Variants in ETNPPL observed in about 807,000 individuals in gnomAD.
ETNPPL encodes alanine--glyoxylate aminotransferase 2-like 1.
A neutral mutation model predicts 55.5 loss-of-function variants in ETNPPL; 30 were observed. The observed-to-expected ratio is 0.54, with a 90% CI of 0.40 to 0.73. The LOEUF (loss-of-function observed/expected upper bound fraction) is 0.73. Among genes scored for constraint, ETNPPL ranks in the 30% least tolerant of loss-of-function variants. The probability of loss-of-function intolerance (pLI) is 0.00; values close to 1 mark genes in which losing one functional copy is unlikely to be tolerated. For missense variants in ETNPPL, 528 were observed against 607.9 expected (o/e 0.87, Z 1.38); for synonymous variants, 202 against 207.2 (o/e 0.98, Z 0.21).
chr4:108,762,387 T>G, intron 1 of ETNPPL: 1 of 488,264 alleles, frequency 2.0e-6, no homozygotes, highest in Non-Finnish European at 4.0e-6. Flanking sequence ...AAAGCTCACT[T>G]TAAGTAAAAA....
In ETNPPL at chr4:108,760,297, G is replaced by A. The variant is rs773664090; in HGVS notation, c.66C>T (p.Cys22=). 1.3e-6 allele frequency: 2 copies of A among 1,589,472 alleles called. No homozygotes were observed. The highest frequency in any genetic ancestry group is 2.2e-5 in the South Asian group (2 of 89,934). Reference sequence around the variant, plus strand: ...TGGGATCCGATGCAAAGAAAACTTTGCATGAGGGCCTAGAAATAATCAAAG... The same window carrying A: ...TGGGATCCGATGCAAAGAAAACTTTACATGAGGGCCTAGAAATAATCAAAG... ...GLRKKHIGPS[C]KVFFASDPIK... The change falls in exon 2 of 13, where the codon TGC becomes TGT. Residue 22 remains cysteine, a synonymous_variant. Coordinates refer to ENST00000296486, the MANE Select transcript of ETNPPL (RefSeq NM_031279.4).
chr4:108,743,956 G>T, intron 11 of ETNPPL, 100 bp from the exon 12 acceptor site: 1 of 772,858 alleles, frequency 1.3e-6, no homozygotes. Context: ...AAGAATGGAA[G>T]GAAATGTTAT....
Position 108,750,983 on chromosome 4 carries a change from AC to A in ETNPPL, c.653del (p.Cys218LeufsTer5). On this transcript the variant is annotated frameshift_variant, in exon 7 of 13. Transcript: ENST00000296486. LOFTEE classifies it high-confidence loss of function. ...CTGCTGGAGGAATTATTTGTCCGCC[AC>A]AACTCTGCATGGATTCAGCAATAAA... ...AAFIAESMQS[C>X]GGQIIPPAGY... is the part of the protein sequence containing the mutation. 6.2e-7 allele frequency: 1 copy of A among 1,613,546 alleles called. No individual in the cohort carries two copies. The highest frequency in any genetic ancestry group is 8.5e-7 in the Non-Finnish European group (1 of 1,179,580).
Position 108,760,558 on chromosome 4 carries a change from G to C in ETNPPL, c.57-252C>G, listed in dbSNP as rs576302381. The stretch of plus-strand genomic sequence containing the variant: ...GCCATGATTTGACAATTTATTAGAG[G>C]CACAGGAATCCACTCTCTGATGGTT... On this transcript the variant is annotated intron_variant, in intron 1 of 12. Coordinates refer to ENST00000296486, the MANE Select transcript of ETNPPL (RefSeq NM_031279.4). Among the ~76,000 whole-genome samples, 106 of 152,148 alleles carry C rather than the reference G, an allele frequency of 7.0e-4. 1 individual carries two copies. The highest frequency in any genetic ancestry group is 3.3e-3 in the Admixed American group (51 of 15,274).
chr4:108,759,611 G>A, intron 3 of ETNPPL, 138 bp downstream of exon 3: 1 of 783,410 alleles, frequency 1.3e-6, no homozygotes, highest in Non-Finnish European at 2.0e-6. Flanking sequence ...TCCCTAATGT[G>A]TGATCACTTA....
Position 108,743,836 on chromosome 4 carries a change from T to C in ETNPPL, c.1324A>G (p.Thr442Ala), listed in dbSNP as rs1381184283. Reference sequence around the variant, plus strand: ...TCAGAGGTCACACTTTCGGTTTTGGTTCCCATAGCTTCTTCTAAAACTGAA... The same window carrying C: ...TCAGAGGTCACACTTTCGGTTTTGGCTCCCATAGCTTCTTCTAAAACTGAA... ...ILTVLEEAMG[T>A]KTESVTSENT... The change falls in exon 12 of 13, where the codon ACC becomes GCC. Residue 442 changes from threonine (T) to alanine (A), a missense_variant. Transcript: ENST00000296486. 3 of 1,609,184 alleles carry C rather than the reference T, an allele frequency of 1.9e-6. No homozygotes were observed. The South Asian group carries it at 3.3e-5, about 18-fold the overall frequency.
chr4:108,749,067 T>C (rs1433628114), intron 8 of ETNPPL, among the ~76,000 whole-genome samples, 171 bp downstream of exon 8: 1 of 151,974 alleles, frequency 6.6e-6, no homozygotes, highest in Non-Finnish European at 1.5e-5. Context: ...TATAATTTTA[T>C]ATATATATGT....
At position 108,760,242 on chromosome 4, in the gene ETNPPL, T is replaced by G. The variant is rs757202239; in HGVS notation, c.121A>C (p.Met41Leu). ...TACTGTTCACCGTTCTCATCAAACA[T>G]GTACTGCCTCTGGGCTCTCACTATT... ...IKIVRAQRQY[M>L]FDENGEQYLD... Residue 41 changes from methionine (M) to leucine (L), a missense_variant, in exon 2 of 13, where the codon ATG (methionine) becomes CTG (leucine). Transcript: ENST00000296486. 1.2e-6 allele frequency: 2 copies of G among 1,613,092 alleles called. No homozygotes were observed. Among genetic ancestry groups the G allele is most frequent in the East Asian group, 4.5e-5 (2 of 44,870 alleles).
intron 1 of ETNPPL, among the ~76,000 whole-genome samples, 176 bp from the exon 2 acceptor site, chr4:108,760,482 TC>T (rs1207371911): frequency 6.6e-6 from 1 of 152,156 alleles, no homozygotes; most frequent in African/African-American, 2.4e-5. Context: ...TTTATGTTAA[TC>T]CCCCATTCAT....
At chr4:108,743,044 G>A (rs1260149550) in intron 12 of ETNPPL, among the ~76,000 whole-genome samples, 1 of 152,144 alleles carries the variant, frequency 6.6e-6, no homozygotes, top group Non-Finnish European at 1.5e-5. Context: ...TGCTGTTAGC[G>A]AATCACTTGC....
chr4:108,755,746 A>G (rs1024438880), intron 4 of ETNPPL, among the ~76,000 whole-genome samples: 28 of 152,178 alleles, frequency 1.8e-4, no homozygotes, highest in Admixed American at 6.5e-4. Flanking sequence ...GCTTGAACCC[A>G]GGAGGCGGAG....
At chr4:108,748,737 T>C (rs1013028922) in intron 8 of ETNPPL, among the ~76,000 whole-genome samples, 6 of 152,192 alleles carry the variant, frequency 3.9e-5, no homozygotes, top group Non-Finnish European at 8.8e-5. Flanking sequence ...AAAAATACTT[T>C]AAAAGTGTTT....
chr4:108,746,117 C>T (rs568025323), intron 11 of ETNPPL, among the ~76,000 whole-genome samples: 1 of 152,160 alleles, frequency 6.6e-6, no homozygotes, highest in South Asian at 2.1e-4. Flanking sequence ...TTTAAATATG[C>T]TAGTCTAAAG....
In ETNPPL at chr4:108,746,401, G is replaced by A; in HGVS notation, c.1301C>T (p.Thr434Ile). The A allele has an allele frequency of 6.2e-7, 1 of 1,612,792 alleles. No homozygotes were observed. The highest frequency in any genetic ancestry group is 1.7e-5 in the Admixed American group (1 of 59,806). Residue 434 changes from threonine to isoleucine, a missense_variant and splice_region_variant, in exon 11 of 13, where the codon ACA becomes ATA. Physicochemically the swap from Thr to Ile is moderately conservative, Grantham distance 89. Coordinates refer to ENST00000296486, the MANE Select transcript of ETNPPL (RefSeq NM_031279.4). ...ATCTTAAAGATCCATGGACCCACCT[G>A]TTAGAATCCTATCAAGTTGGTCCAC... ...FMVDQLDRIL[T>I]VLEEAMGTKT...
intron 1 of ETNPPL, 77 bp from the exon 2 acceptor site, chr4:108,760,383 TCA>T: frequency 1.4e-6 from 1 of 727,450 alleles, no homozygotes; most frequent in African/African-American, 1.7e-5. Flanking sequence ...AAGGTCCCCA[TCA>T]GTGGAAAAGT....
chr4:108,755,032 C>G (rs967453326), intron 4 of ETNPPL, among the ~76,000 whole-genome samples: 1 of 152,166 alleles, frequency 6.6e-6, no homozygotes, highest in Non-Finnish European at 1.5e-5. Context: ...AAATTGTTTT[C>G]TATATCCTCA....
chr4:108,751,391 G>A (rs1022822988), intron 6 of ETNPPL, among the ~76,000 whole-genome samples: 3 of 152,148 alleles, frequency 2.0e-5, no homozygotes, highest in African/African-American at 7.2e-5. Context: ...AGGCATTGTC[G>A]TGATGCCTGT....
At chr4:108,749,779 C>T (rs528541745) in intron 7 of ETNPPL, among the ~76,000 whole-genome samples, 328 of 152,160 alleles carry the variant, frequency 2.2e-3, no homozygotes, top group Non-Finnish European at 3.9e-3. Context: ...TATGATCAAA[C>T]TCCCTGTAAC....
At position 108,749,306 on chromosome 4, in the gene ETNPPL, C is replaced by T; in HGVS notation, c.859G>A (p.Ala287Thr). The change falls in exon 8 of 13, where the codon GCA (alanine) becomes ACA (threonine). Residue 287 changes from alanine (A) to threonine (T), a missense_variant. Coordinates refer to ENST00000296486, the MANE Select transcript of ETNPPL (RefSeq NM_031279.4). ...ATTTCTTTGGTTGTTACCACACATGCCACCGGGTGGCCGTTGCCCATCGGT... is the reference window on the plus strand; with the variant it reads ...ATTTCTTTGGTTGTTACCACACATGTCACCGGGTGGCCGTTGCCCATCGGT... ...GKPMGNGHPV[A>T]CVVTTKEIAE... 2.5e-6 allele frequency: 4 copies of T among 1,614,118 alleles called. No individual in the cohort carries two copies. The highest frequency in any genetic ancestry group is 3.4e-6 in the Non-Finnish European group (4 of 1,180,008).
Sources: gnomAD v4.1 joint callset for allele counts (sites outside exome capture counted in the v4.1 genomes callset) on GRCh38, gnomAD v4.1.1 for gene constraint, MANE v1.5 for transcripts, NCBI Gene and HGNC (gene_info 2026-07-23, HGNC 2026-07-21) for gene names.